SYNPR: variants seen among roughly 807,000 people sequenced by gnomAD.
SYNPR encodes the protein synaptoporin.
SYNPR carries 23 observed loss-of-function variants against 32.9 expected under a neutral mutation model. That is an observed-to-expected ratio of 0.70 (90% CI 0.50 to 0.99). The LOEUF (loss-of-function observed/expected upper bound fraction) is 0.99, where lower values mean the gene tolerates loss of function less well. Ranked by LOEUF, SYNPR falls within the 50% of genes least tolerant of loss-of-function variation. The probability of loss-of-function intolerance (pLI) is 0.00; values close to 1 mark genes in which losing one functional copy is unlikely to be tolerated. For missense variants in SYNPR, 318 were observed against 349.3 expected, an observed-to-expected ratio of 0.91 and a Z score of 0.71; for synonymous variants, 146 against 135.9, an observed-to-expected ratio of 1.07 and a Z score of -0.52.
At chr3:63,485,966 T>C (rs1020876470) in intron 3 of SYNPR, among the ~76,000 whole-genome samples, 7 of 152,216 alleles carry the variant, frequency 4.6e-5, no homozygotes, top group African/African-American at 1.7e-4. Context: ...AGATTAGTAA[T>C]CACTGTTCTA....
intron 2 of SYNPR, among the ~76,000 whole-genome samples, chr3:63,365,545 T>C (rs2087719760): frequency 6.6e-6 from 1 of 152,210 alleles, no homozygotes; most frequent in African/African-American, 2.4e-5. Flanking sequence ...ACTGAAGAAT[T>C]ACTGACAAGA....
intron 2 of SYNPR, among the ~76,000 whole-genome samples, chr3:63,439,130 C>A (rs1575644465): frequency 6.6e-6 from 1 of 151,966 alleles, no homozygotes. Flanking sequence ...CTTTTCCATT[C>A]AGAGGAAAAA....
At chr3:63,230,431 C>T (rs1415465531) in intron 1 of SYNPR, among the ~76,000 whole-genome samples, 1 of 152,198 alleles carries the variant, frequency 6.6e-6, no homozygotes, top group Non-Finnish European at 1.5e-5. Context: ...GTTTCACTAG[C>T]TAAGGTGTGG....
At chr3:63,288,780 G>A (rs6784414) in intron 2 of SYNPR, among the ~76,000 whole-genome samples, 130,881 of 152,202 alleles carry the variant, frequency 0.86, 56,981 homozygotes, top group African/African-American at 0.96. Context: ...AATGTAGTAG[G>A]AAACTAATTA....
chr3:63,219,866 G>C, the SYNPR span, among the ~76,000 whole-genome samples: 2,702 of 152,190 alleles, frequency 0.018, 67 homozygotes, highest in African/African-American at 0.06. Flanking sequence ...GATGTGGAAG[G>C]GGAGGCAAGG....
intron 2 of SYNPR, among the ~76,000 whole-genome samples, chr3:63,381,738 G>A (rs187809523): frequency 2.4e-4 from 37 of 152,012 alleles, no homozygotes; most frequent in African/African-American, 8.0e-4. Context: ...ATTTTATTTC[G>A]TGTTTTCTGT....
chr3:63,494,659 C>T (rs1402034652), intron 3 of SYNPR, among the ~76,000 whole-genome samples: 7 of 151,666 alleles, frequency 4.6e-5, no homozygotes, highest in African/African-American at 1.5e-4. Flanking sequence ...TACCCATCAG[C>T]GCTAACAACA....
intron 2 of SYNPR, among the ~76,000 whole-genome samples, chr3:63,310,583 G>C (rs2106952339): frequency 6.6e-6 from 1 of 152,084 alleles, no homozygotes; most frequent in East Asian, 1.9e-4. Context: ...GGCAGCCTCA[G>C]CCTATGTCCT....
At chr3:63,396,215 T>G (rs1277345074) in intron 2 of SYNPR, among the ~76,000 whole-genome samples, 2 of 152,226 alleles carry the variant, frequency 1.3e-5, no homozygotes, top group African/African-American at 4.8e-5. Flanking sequence ...AAAAGGACTC[T>G]CTAATTGCCC....
chr3:63,387,168 AG>A (rs1484326931), intron 2 of SYNPR, among the ~76,000 whole-genome samples: 7 of 152,208 alleles, frequency 4.6e-5, no homozygotes, highest in Non-Finnish European at 1.0e-4. Flanking sequence ...CAACCCCATA[AG>A]AGTTTTCTAT....
At chr3:63,350,003 T>C (rs1207086328) in intron 2 of SYNPR, among the ~76,000 whole-genome samples, 1 of 152,234 alleles carries the variant, frequency 6.6e-6, no homozygotes, top group East Asian at 1.9e-4. Flanking sequence ...TGGCATTGTA[T>C]TTCTAAAATG....
In SYNPR at chr3:63,438,652, A is replaced by G. The variant is rs1228514683; in HGVS notation, c.85-42180A>G. Among the ~76,000 whole-genome samples the G allele has an allele frequency of 2.0e-5, 3 of 152,254 alleles. No individual in the cohort carries two copies. The East Asian group carries it at 5.8e-4, about 29-fold the overall frequency. On this transcript the variant is annotated intron_variant, in intron 2 of 5. Transcript: ENST00000478300. ...AAGGAAAATAAAAGATAAGAGGTCTAGAAAGTTCTGCTCTGATTCTATATA... is the reference window on the plus strand; with the variant it reads ...AAGGAAAATAAAAGATAAGAGGTCTGGAAAGTTCTGCTCTGATTCTATATA...
intron 2 of SYNPR, among the ~76,000 whole-genome samples, chr3:63,359,943 G>A (rs183099961): frequency 2.0e-5 from 3 of 152,262 alleles, no homozygotes; most frequent in Admixed American, 2.0e-4. Context: ...GACTCAGAAA[G>A]AATCAGAATC....
At chr3:63,525,950 T>A (rs1003270239) in intron 3 of SYNPR, among the ~76,000 whole-genome samples, 8 of 152,236 alleles carry the variant, frequency 5.3e-5, no homozygotes, top group Non-Finnish European at 1.5e-5. Context: ...CATCACCATC[T>A]GCTTCTGGTG....
chr3:63,584,515 G>A (rs888449918), intron 4 of SYNPR, among the ~76,000 whole-genome samples: 1 of 151,964 alleles, frequency 6.6e-6, no homozygotes, highest in African/African-American at 2.4e-5. Flanking sequence ...GTCTGGGTTT[G>A]GGATTGGAAA....
At position 63,615,381 on chromosome 3, in the gene SYNPR, G is replaced by T. The variant is rs968592137; in HGVS notation, c.758G>T (p.Gly253Val). 8 of 1,613,918 alleles carry T rather than the reference G, an allele frequency of 5.0e-6. No homozygotes were observed. The highest frequency in any genetic ancestry group is 6.8e-6 in the Non-Finnish European group (8 of 1,179,874). ...NQGGYNQDSYGSSSGYSQQAS... is the reference protein window; with the variant it reads ...NQGGYNQDSYVSSSGYSQQAS... ...GGTGGTTACAACCAAGACAGCTATG[G>T]ATCAAGCAGTGGGTACAGTCAGCAG... Residue 253 changes from glycine (G) to valine (V), a missense_variant, in exon 6 of 6, where the codon GGA becomes GTA. Gly to Val is a moderately radical substitution (Grantham distance 109, BLOSUM62 -3). Transcript: ENST00000478300.
Position 63,235,256 on chromosome 3 carries a change from T to A in SYNPR, n.66+6876T>A, listed in dbSNP as rs138272935. ...AGGAAACAGGCCTGTTGGCTGGAGA[T>A]GTAGGGTCTGGGCCATGGAGGGCCT... On this transcript the variant is annotated intron_variant and non_coding_transcript_variant, in intron 1 of 4. Transcript: ENST00000478456. Among the ~76,000 whole-genome samples, 84 of 152,258 alleles carry A rather than the reference T, an allele frequency of 5.5e-4. 1 individual carries two copies. In the East Asian group the frequency reaches 0.015, roughly 28 times the overall value.
intron 4 of SYNPR, among the ~76,000 whole-genome samples, chr3:63,562,221 T>C (rs1345425054): frequency 1.3e-5 from 2 of 152,198 alleles, no homozygotes; most frequent in East Asian, 1.9e-4. Context: ...CATTTTCAGA[T>C]CTCAAGTCAA....
At chr3:63,252,557 C>T (rs1354345070) in exon 2 of SYNPR, 2 of 152,224 alleles carry the variant, frequency 1.3e-5, no homozygotes, top group East Asian at 1.9e-4. Context: ...TTCCTGTAAG[C>T]GTGGACATGC....
Sources: allele counts gnomAD v4.1 joint callset (sites outside exome capture counted in the v4.1 genomes callset), GRCh38; gene constraint gnomAD v4.1.1; transcripts MANE v1.5; gene names NCBI Gene and HGNC (gene_info 2026-07-23, HGNC 2026-07-21).